The following BLTP3A variants were observed in gnomAD, a reference collection of about 807,000 sequenced individuals.
BLTP3A encodes bridge-like lipid transfer protein family member 3A.
At chr6:34,821,105 C>T in the BLTP3A span, among the ~76,000 whole-genome samples, 288 of 151,980 alleles carry the variant, frequency 1.9e-3, no homozygotes, top group African/African-American at 6.4e-3. Flanking sequence ...TACAGGCATG[C>T]GCCACCACAC....
At chr6:34,796,896 G>T in the BLTP3A span, among the ~76,000 whole-genome samples, 3 of 152,166 alleles carry the variant, frequency 2.0e-5, no homozygotes, top group Non-Finnish European at 2.9e-5. Flanking sequence ...GTAGAGATGG[G>T]GTTTCATCAT....
chr6:34,856,894 ATGG>A, the BLTP3A span: 1 of 1,614,148 alleles, frequency 6.2e-7, no homozygotes. Context: ...CTCTAGCTGC[ATGG>A]TGGTACGGGT....
chr6:34,821,712 A>T, the BLTP3A span: 2 of 1,614,196 alleles, frequency 1.2e-6, no homozygotes, highest in Non-Finnish European at 1.7e-6. Context: ...GGGGAGGGTC[A>T]GCTGACCAAC....
chr6:34,801,118 G>T, the BLTP3A span, among the ~76,000 whole-genome samples: 6 of 152,160 alleles, frequency 3.9e-5, no homozygotes, highest in African/African-American at 7.2e-5. Flanking sequence ...ATGTATGCTT[G>T]GTCTTTAGAG....
the BLTP3A span, among the ~76,000 whole-genome samples, chr6:34,847,845 G>A: frequency 1.4e-5 from 2 of 141,574 alleles, no homozygotes; most frequent in Non-Finnish European, 3.1e-5. Flanking sequence ...TTTGGATTTG[G>A]TGTCCTTGCT....
chr6:34,858,263 G>A, the BLTP3A span: 821 of 1,614,132 alleles, frequency 5.1e-4, 2 homozygotes, highest in Non-Finnish European at 2.8e-4. Flanking sequence ...AGTCTCTTCC[G>A]GGGTTTTGCT....
chr6:34,854,880 T>A, the BLTP3A span, among the ~76,000 whole-genome samples: 37 of 152,228 alleles, frequency 2.4e-4, no homozygotes, highest in African/African-American at 7.7e-4. Flanking sequence ...GGAAGTTGAA[T>A]AGGGTGACCC....
At chr6:34,828,092 T>C in the BLTP3A span, among the ~76,000 whole-genome samples, 3 of 152,166 alleles carry the variant, frequency 2.0e-5, no homozygotes, top group Non-Finnish European at 4.4e-5. Context: ...GTCCCACCTT[T>C]TTTCTGTACA....
the BLTP3A span, chr6:34,863,982 T>G: frequency 6.4e-7 from 1 of 1,558,914 alleles, no homozygotes; most frequent in Non-Finnish European, 8.7e-7. Context: ...TTTGTGGTTT[T>G]TGTTTTTTTT....
chr6:34,850,124 CAA>C, the BLTP3A span, among the ~76,000 whole-genome samples: 1 of 147,674 alleles, frequency 6.8e-6, no homozygotes, highest in Non-Finnish European at 1.5e-5. Flanking sequence ...GCCTGGGTGA[CAA>C]GAGCAAAACT....
chr6:34,793,124 A>C, the BLTP3A span, among the ~76,000 whole-genome samples: 124 of 152,282 alleles, frequency 8.1e-4, no homozygotes, highest in South Asian at 8.3e-3. Context: ...TTTATTAAGC[A>C]ATGTTATGTC....
chr6:34,838,691 T>A, the BLTP3A span, among the ~76,000 whole-genome samples: 1 of 152,168 alleles, frequency 6.6e-6, no homozygotes, highest in African/African-American at 2.4e-5. Context: ...ACACCTGCAA[T>A]CTCAGAACTT....
chr6:34,828,838 G>A, the BLTP3A span, among the ~76,000 whole-genome samples: 4 of 151,812 alleles, frequency 2.6e-5, no homozygotes, highest in Non-Finnish European at 5.9e-5. Flanking sequence ...AACCAGCATG[G>A]CCAACATGGA....
At chr6:34,798,597 T>TTTTTTTTC in the BLTP3A span, among the ~76,000 whole-genome samples, 1 of 146,848 alleles carries the variant, frequency 6.8e-6, no homozygotes, top group African/African-American at 2.5e-5. Context: ...TTTCTTTCTT[T>TTTTTTTTC]TTTTTTTTTT....
chr6:34,831,418 G>A, the BLTP3A span, among the ~76,000 whole-genome samples: 2 of 152,250 alleles, frequency 1.3e-5, no homozygotes, highest in Middle Eastern at 6.8e-3. Flanking sequence ...ATGAACCACT[G>A]CGCCTGGCCC....
the BLTP3A span, chr6:34,872,181 A>ATATGG: frequency 8.7e-7 from 1 of 1,148,704 alleles, no homozygotes; most frequent in Non-Finnish European, 1.2e-6. Context: ...CTTAGAAAAG[A>ATATGG]TATGGTTATC....
chr6:34,845,507 C>G, the BLTP3A span, among the ~76,000 whole-genome samples: 1 of 152,164 alleles, frequency 6.6e-6, no homozygotes, highest in African/African-American at 2.4e-5. Flanking sequence ...CAGCCTCAAC[C>G]TCCTGGGCTC....
the BLTP3A span, among the ~76,000 whole-genome samples, chr6:34,819,063 CA>C: frequency 2.9e-4 from 44 of 151,278 alleles, no homozygotes; most frequent in East Asian, 7.8e-4. Flanking sequence ...AAATACCATT[CA>C]TGATTGGGGT....
chr6:34,869,640 CTTTTTTTTTTTTTT>C, the BLTP3A span, among the ~76,000 whole-genome samples: 6 of 81,532 alleles, frequency 7.4e-5, no homozygotes, highest in South Asian at 3.6e-4. Context: ...ACATACACCA[CTTTTTTTTTTTTTT>C]TTTTTTTTTT....
Sources: allele counts gnomAD v4.1 joint callset (sites outside exome capture counted in the v4.1 genomes callset), GRCh38; gene constraint gnomAD v4.1.1; transcripts MANE v1.5; gene names NCBI Gene and HGNC (gene_info 2026-07-23, HGNC 2026-07-21).